The following GCGR variants were observed in gnomAD, a reference collection of about 807,000 sequenced individuals.
The protein encoded by GCGR is glucagon receptor.
Under a neutral mutation model 56.1 loss-of-function variants are expected in GCGR, and 41 were observed. The observed-to-expected ratio is 0.73, with a 90% CI of 0.57 to 0.95. The LOEUF is 0.95. GCGR is among the 40% of genes least tolerant of loss of function. GCGR has a pLI of 0.00. For synonymous variants in GCGR, 278 were observed against 271.1 expected, an observed-to-expected ratio of 1.03 and a Z score of -0.25; for missense variants, 595 against 638.2, an observed-to-expected ratio of 0.93 and a Z score of 0.73.
rs2038065998 is a variant in GCGR at position 81,810,279 on chromosome 17, G to A, written c.163+395G>A. 8 of 356,878 alleles carry A rather than the reference G, an allele frequency of 2.2e-5. No homozygotes were observed. The highest frequency in any genetic ancestry group is 1.9e-4 in the South Asian group (8 of 41,762). 22.1% of individuals were successfully genotyped at this position (356,878 alleles called of 1,614,324 possible). A position where few individuals can be genotyped will look rare whatever the true frequency, so the allele number is the denominator to read the frequency against. ...AGTGTATATCATGGCCTGGACACTTGGGGTGCAGGGAGAGGATAGGGCTGG... is the reference window on the plus strand; with the variant it reads ...AGTGTATATCATGGCCTGGACACTTAGGGTGCAGGGAGAGGATAGGGCTGG... On this transcript the variant is annotated intron_variant, in intron 3 of 13. Transcript: ENST00000400723. This position sits in a 1 kb window ranked among gnomAD's most constrained non-coding sequence, Gnocchi z 4.6.
chr17:81,805,799 G>A (rs989603841), intron 1 of GCGR, among the ~76,000 whole-genome samples: 17 of 152,158 alleles, frequency 1.1e-4, no homozygotes, highest in Non-Finnish European at 2.2e-4. Context: ...GGTCCCTGGT[G>A]GGTCGTCCCA....
chr17:81,804,618 C>A lies in GCGR; in HGVS notation c.-178+369C>A, dbSNP rs1046686928. Among the ~76,000 whole-genome samples the A allele has an allele frequency of 6.6e-6, 1 of 151,934 alleles. No individual in the cohort carries two copies. Among genetic ancestry groups the A allele is most frequent in the African/African-American group, 2.4e-5 (1 of 41,376 alleles). ...GGGCCCCGCCGCCCTGGGGAGCGCA[C>A]AAAGCGCCGCGGACGCGTCCCCGAG... On this transcript the variant is annotated intron_variant, in intron 1 of 13. Transcript: ENST00000400723. This position sits in a 1 kb window ranked among gnomAD's most constrained non-coding sequence, Gnocchi z 8.2.
At position 81,812,099 on chromosome 17, in the gene GCGR, A is replaced by C; in HGVS notation, c.879-84A>C. On this transcript the variant is annotated intron_variant, in intron 9 of 13. Coordinates refer to ENST00000400723, the MANE Select transcript of GCGR (RefSeq NM_000160.5). This position sits in a 1 kb window ranked among gnomAD's most constrained non-coding sequence, Gnocchi z 8.5. ...CTTCCTTTTCTGAGACCCGAATTAGATCCTGGCAAAATCGGGACGGGGGTG... is the reference window on the plus strand; with the variant it reads ...CTTCCTTTTCTGAGACCCGAATTAGCTCCTGGCAAAATCGGGACGGGGGTG... 1 of 1,512,564 alleles carries C rather than the reference A, an allele frequency of 6.6e-7. No homozygotes were observed. Among genetic ancestry groups the C allele is most frequent in the Non-Finnish European group, 8.9e-7 (1 of 1,127,740 alleles). 93.7% of individuals were successfully genotyped at this position (1,512,564 alleles called of 1,614,324 possible).
chr17:81,813,564 T>A lies in GCGR; in HGVS notation c.1309T>A (p.Ser437Thr). 1 of 1,536,360 alleles carries A rather than the reference T, an allele frequency of 6.5e-7. No homozygotes were observed. The highest frequency in any genetic ancestry group is 1.2e-5 in the South Asian group (1 of 84,056). ...GAACACCAGCAACCACAGGGCCTCA[T>A]CTTCGCCCGGCCACGGCCCTCCCAG... Reference protein sequence around the residue: ...ERNTSNHRASSSPGHGPPSKE... With the variant: ...ERNTSNHRASTSPGHGPPSKE... The change falls in exon 14 of 14, where the codon TCT (serine) becomes ACT (threonine). Residue 437 changes from serine (S) to threonine (T), a missense_variant. Ser to Thr is a moderately conservative substitution (Grantham distance 58, BLOSUM62 1). Transcript: ENST00000400723. This position sits in a 1 kb window ranked among gnomAD's most constrained non-coding sequence, Gnocchi z 5.3.
intron 1 of GCGR, 74 bp from the exon 2 acceptor site, chr17:81,808,768 C>T (rs553931050): frequency 7.0e-6 from 4 of 569,216 alleles, no homozygotes; most frequent in African/African-American, 3.8e-5. Flanking sequence ...ATCCACCCCC[C>T]TCGGCCTCCC....
rs1289664255 is a variant in GCGR, at chr17:81,810,309, C to T, written c.163+425C>T. On this transcript the variant is annotated intron_variant, in intron 3 of 13. Coordinates refer to ENST00000400723, the MANE Select transcript of GCGR (RefSeq NM_000160.5). The surrounding 1 kb of genome is among the most constrained non-coding windows in gnomAD (Gnocchi z 4.6). ...GCAGGGAGAGGATAGGGCTGGAGGA[C>T]TCACCCGGGAGGCAGTGCCTGGGTT... The T allele has an allele frequency of 9.0e-6, 3 of 331,780 alleles. No homozygotes were observed. Among genetic ancestry groups the T allele is most frequent in the Non-Finnish European group, 1.7e-5 (3 of 171,676 alleles). The allele number at this position is 331,780 out of a possible 1,614,324, so 20.6% of individuals were successfully genotyped here.
In GCGR at chr17:81,812,492, C is replaced by T. The variant is rs2038122469; in HGVS notation, c.949-85C>T. 21 of 1,319,504 alleles carry T rather than the reference C, an allele frequency of 1.6e-5. No homozygotes were observed. In the South Asian group the frequency reaches 2.3e-4, roughly 14 times the overall value. The allele number at this position is 1,319,504 out of a possible 1,614,324, so 81.7% of individuals were successfully genotyped here. A position where few individuals can be genotyped will look rare whatever the true frequency, so the allele number is the denominator to read the frequency against. On this transcript the variant is annotated intron_variant, in intron 10 of 13. Coordinates refer to ENST00000400723, the MANE Select transcript of GCGR (RefSeq NM_000160.5). This position sits in a 1 kb window ranked among gnomAD's most constrained non-coding sequence, Gnocchi z 8.5. ...CCTATCTTGCTGCCAGGCCCACCTG[C>T]AGGAGGGTCAGGTGGGGCCTTCCAA...
Position 81,811,995 on chromosome 17 carries a change from T to A in GCGR, c.878+49T>A. 6.5e-7 allele frequency: 1 copy of A among 1,532,108 alleles called. No homozygotes were observed. Among genetic ancestry groups the A allele is most frequent in the Non-Finnish European group, 8.7e-7 (1 of 1,144,604 alleles). The allele number at this position is 1,532,108 out of a possible 1,614,324, so 94.9% of individuals were successfully genotyped here. ...CTGGGGAGGGACCGGGGGGCTGGGGTGCGGCGCTCTGGCCTGAGGCAGGGA... is the reference window on the plus strand; with the variant it reads ...CTGGGGAGGGACCGGGGGGCTGGGGAGCGGCGCTCTGGCCTGAGGCAGGGA... On this transcript the variant is annotated intron_variant, in intron 9 of 13. Transcript: ENST00000400723. The surrounding 1 kb of genome is among the most constrained non-coding windows in gnomAD (Gnocchi z 5.8).
In GCGR at chr17:81,813,403, C is replaced by T. The variant is rs1598240786; in HGVS notation, c.1219-71C>T. ...GAGACTGGGCATCTCCGATGAGGCCCACAGCAGGTCCCGGTGGGGTGGAGA... is the reference window on the plus strand; with the variant it reads ...GAGACTGGGCATCTCCGATGAGGCCTACAGCAGGTCCCGGTGGGGTGGAGA... On this transcript the variant is annotated intron_variant, in intron 13 of 13. Transcript: ENST00000400723. The surrounding 1 kb of genome is among the most constrained non-coding windows in gnomAD (Gnocchi z 5.3). The T allele has an allele frequency of 4.3e-6, 6 of 1,411,246 alleles. No homozygotes were observed. The highest frequency in any genetic ancestry group is 2.4e-4 in the Middle Eastern group (1 of 4,098). 87.4% of individuals were successfully genotyped at this position (1,411,246 alleles called of 1,614,324 possible). A position where few individuals can be genotyped will look rare whatever the true frequency, so the allele number is the denominator to read the frequency against.
rs2037909702 is a variant in GCGR, at chr17:81,804,602, C to T, written c.-178+353C>T. On this transcript the variant is annotated intron_variant, in intron 1 of 13. Coordinates refer to ENST00000400723, the MANE Select transcript of GCGR (RefSeq NM_000160.5). This position sits in a 1 kb window ranked among gnomAD's most constrained non-coding sequence, Gnocchi z 8.2. ...CCCCACTCAGGGCCCCGGGCCCCGC[C>T]GCCCTGGGGAGCGCACAAAGCGCCG... Among the ~76,000 whole-genome samples, 1 of 151,952 alleles carries T rather than the reference C, an allele frequency of 6.6e-6. No individual in the cohort carries two copies. Among genetic ancestry groups the T allele is most frequent in the Non-Finnish European group, 1.5e-5 (1 of 67,952 alleles).
At position 81,812,581 on chromosome 17, in the gene GCGR, A is replaced by T; in HGVS notation, c.953A>T (p.Asn318Ile). ...ACTCGCACCCTTCTCACACAGATCA[A>T]CTTCTTCATCTTCGTCCGCATCGTT... ...RFPVFLAILINFFIFVRIVQL... is the reference protein window; with the variant it reads ...RFPVFLAILIIFFIFVRIVQL... Residue 318 changes from asparagine to isoleucine, a missense_variant, in exon 11 of 14, where the codon AAC becomes ATC. Transcript: ENST00000400723. This position sits in a 1 kb window ranked among gnomAD's most constrained non-coding sequence, Gnocchi z 8.5. 6.5e-7 allele frequency: 1 copy of T among 1,536,414 alleles called. No individual in the cohort carries two copies. The highest frequency in any genetic ancestry group is 8.7e-7 in the Non-Finnish European group (1 of 1,146,724).
At position 81,809,039 on chromosome 17, in the gene GCGR, G is replaced by GCGACC; in HGVS notation, c.23_27dup (p.Leu10AspfsTer21). The GCGACC allele has an allele frequency of 6.5e-7, 1 of 1,536,164 alleles. No individual in the cohort carries two copies. Among genetic ancestry groups the GCGACC allele is most frequent in the Non-Finnish European group, 8.7e-7 (1 of 1,146,902 alleles). On this transcript the variant is annotated frameshift_variant, in exon 2 of 14. Transcript: ENST00000400723. LOFTEE classifies it high-confidence loss of function. ...GAGGCATGCCCCCCTGCCAGCCACA[G>GCGACC]CGACCCCTGCTGCTGTTGCTGCTGC... is the stretch of plus-strand genomic sequence containing the variant.
At position 81,813,768 on chromosome 17, in the gene GCGR, C is replaced by A; in HGVS notation, c.*79C>A. ...GGACAACCCAGAACTGGACGCCCAG[C>A]TGAGGCTGGGGGCGGGGGAGCCAAC... On this transcript the variant is annotated 3_prime_UTR_variant, in exon 14 of 14. Transcript: ENST00000400723. This position sits in a 1 kb window ranked among gnomAD's most constrained non-coding sequence, Gnocchi z 5.3. 1.4e-6 allele frequency: 2 copies of A among 1,398,000 alleles called. No homozygotes were observed. Among genetic ancestry groups the A allele is most frequent in the Non-Finnish European group, 1.9e-6 (2 of 1,041,404 alleles). The allele number at this position is 1,398,000 out of a possible 1,614,324, so 86.6% of individuals were successfully genotyped here. A position where few individuals can be genotyped will look rare whatever the true frequency, so the allele number is the denominator to read the frequency against.
rs751811869 is a variant in GCGR at position 81,810,035 on chromosome 17, G to A, written c.163+151G>A. On this transcript the variant is annotated intron_variant, in intron 3 of 13. Transcript: ENST00000400723. This position sits in a 1 kb window ranked among gnomAD's most constrained non-coding sequence, Gnocchi z 4.6. ...CTCAGGCCCCCACCACCGTGGGCAG[G>A]TGAGGTAACGAGGTAACTGAGCCAC... is the stretch of plus-strand genomic sequence containing the variant. 1.4e-6 allele frequency: 1 copy of A among 705,374 alleles called. No homozygotes were observed. The highest frequency in any genetic ancestry group is 2.7e-5 in the East Asian group (1 of 36,990). 43.7% of individuals were successfully genotyped at this position (705,374 alleles called of 1,614,324 possible). A position where few individuals can be genotyped will look rare whatever the true frequency, so the allele number is the denominator to read the frequency against.
rs756454904 is a variant in GCGR at position 81,811,025 on chromosome 17, T to A, written c.287T>A (p.Val96Glu). The A allele has an allele frequency of 3.3e-6, 5 of 1,535,786 alleles. No individual in the cohort carries two copies. The South Asian group carries it at 5.9e-5, about 18-fold the overall frequency. ...ACACCCCCAGTGCAACACCGCTTCG[T>A]GTTCAAGAGATGCGGGCCCGACGGT... ...PWHHKVQHRFVFKRCGPDGQW... is the reference protein window; with the variant it reads ...PWHHKVQHRFEFKRCGPDGQW... Residue 96 changes from valine (V) to glutamate (E), a missense_variant, in exon 5 of 14, where the codon GTG (valine) becomes GAG (glutamate). Coordinates refer to ENST00000400723, the MANE Select transcript of GCGR (RefSeq NM_000160.5). This position sits in a 1 kb window ranked among gnomAD's most constrained non-coding sequence, Gnocchi z 5.8.
rs545023907 is a variant in GCGR at position 81,811,621 on chromosome 17, G to A, written c.658-30G>A. 2.5e-5 allele frequency: 39 copies of A among 1,535,798 alleles called. No homozygotes were observed. The highest frequency in any genetic ancestry group is 2.5e-5 in the Non-Finnish European group (29 of 1,146,796). On this transcript the variant is annotated intron_variant, in intron 7 of 13. Coordinates refer to ENST00000400723, the MANE Select transcript of GCGR (RefSeq NM_000160.5). This position sits in a 1 kb window ranked among gnomAD's most constrained non-coding sequence, Gnocchi z 5.8. ...GGTGGGCAGCCAGGCAGGTGGCCAC[G>A]TAGCCGCGCTCACACTGCACCTGTA...
chr17:81,811,376 G>T lies in GCGR; in HGVS notation c.501-28G>T. 6.5e-7 allele frequency: 1 copy of T among 1,535,808 alleles called. No homozygotes were observed. The highest frequency in any genetic ancestry group is 2.4e-5 in the East Asian group (1 of 40,904). ...GGCGGCCGCAGAGGACAGGGAGGAG[G>T]ACGGGCGCTGACTGGCTGTGCCCAC... On this transcript the variant is annotated intron_variant, in intron 6 of 13. Coordinates refer to ENST00000400723, the MANE Select transcript of GCGR (RefSeq NM_000160.5). This position sits in a 1 kb window ranked among gnomAD's most constrained non-coding sequence, Gnocchi z 5.8.
Position 81,812,507 on chromosome 17 carries a change from G to T in GCGR, c.949-70G>T. 1 of 1,430,122 alleles carries T rather than the reference G, an allele frequency of 7.0e-7. No homozygotes were observed. The allele number at this position is 1,430,122 out of a possible 1,614,324, so 88.6% of individuals were successfully genotyped here. A position where few individuals can be genotyped will look rare whatever the true frequency, so the allele number is the denominator to read the frequency against. ...GGCCCACCTGCAGGAGGGTCAGGTG[G>T]GGCCTTCCAAGGGCACAGAGCTGTT... On this transcript the variant is annotated intron_variant, in intron 10 of 13. Coordinates refer to ENST00000400723, the MANE Select transcript of GCGR (RefSeq NM_000160.5). This position sits in a 1 kb window ranked among gnomAD's most constrained non-coding sequence, Gnocchi z 8.5.
chr17:81,809,683 C>T (rs2038051431), intron 2 of GCGR, 99 bp from the exon 3 acceptor site: 2 of 866,168 alleles, frequency 2.3e-6, no homozygotes, highest in Middle Eastern at 2.4e-4. Context: ...GTCCATCTGC[C>T]TATCCATCTA....
Sources: gnomAD v4.1 joint callset for allele counts (sites outside exome capture counted in the v4.1 genomes callset) on GRCh38, gnomAD v4.1.1 for gene constraint, Gnocchi (gnomAD v3.1) non-coding constraint, MANE v1.5 for transcripts, NCBI Gene and HGNC (gene_info 2026-07-23, HGNC 2026-07-21) for gene names.